The following RPS6KA3 variants were observed in gnomAD, a reference collection of about 807,000 sequenced individuals.
RPS6KA3 encodes ribosomal protein S6 kinase alpha-3.
RPS6KA3 carries 4 observed loss-of-function variants against 67.2 expected under a neutral mutation model. The ratio of observed to expected loss-of-function variants is 0.06; its 90% confidence interval spans 0.03 to 0.14. The LOEUF is 0.14. RPS6KA3 is among the 10% of genes least tolerant of loss of function. RPS6KA3 has a pLI of 1.00. For missense variants in RPS6KA3, 204 were observed against 559.0 expected (o/e 0.36, Z 6.40); for synonymous variants, 182 against 183.7 (o/e 0.99, Z 0.07).
chrX:20,192,384 A>T (rs1431326001), intron 7 of RPS6KA3, among the ~76,000 whole-genome samples: 3 of 108,258 alleles, frequency 2.8e-5, no homozygotes. Flanking sequence ...CCTGCCAAAA[A>T]ATTTCTAAAC....
intron 15 of RPS6KA3, among the ~76,000 whole-genome samples, chrX:20,171,108 T>C (rs1287578156): frequency 1.8e-5 from 2 of 112,212 alleles, no homozygotes; most frequent in African/African-American, 6.5e-5. Context: ...TTCTTTTCTC[T>C]AGCTTACTTT....
chrX:20,218,533 A>T (rs1393948190), intron 2 of RPS6KA3, among the ~76,000 whole-genome samples: 1 of 111,768 alleles, frequency 8.9e-6, no homozygotes, highest in Non-Finnish European at 1.9e-5. Context: ...CACTAGCAAG[A>T]TAAAAATTAC....
intron 2 of RPS6KA3, among the ~76,000 whole-genome samples, chrX:20,223,414 T>C (rs1428339447): frequency 3.6e-5 from 4 of 110,610 alleles, no homozygotes; most frequent in African/African-American, 1.3e-4. Flanking sequence ...GGACGGAAAG[T>C]GTGGTAGTGC....
chrX:20,174,156 T>C (rs1463026116), intron 14 of RPS6KA3, among the ~76,000 whole-genome samples: 1 of 110,967 alleles, frequency 9.0e-6, no homozygotes, highest in African/African-American at 3.3e-5. Context: ...AAGTATTATC[T>C]GACCCTTCAC....
At chrX:20,189,224 G>T (rs1206755040) in intron 7 of RPS6KA3, among the ~76,000 whole-genome samples, 1 of 110,983 alleles carries the variant, frequency 9.0e-6, no homozygotes, top group African/African-American at 3.3e-5. Flanking sequence ...ATTCTCCAGG[G>T]TTTTCTCTCT....
intron 1 of RPS6KA3, among the ~76,000 whole-genome samples, chrX:20,244,720 G>C (rs1360088633): frequency 8.9e-6 from 1 of 112,349 alleles, no homozygotes; most frequent in Non-Finnish European, 1.9e-5. Context: ...TCACGTACAA[G>C]CATCTAGCTA....
At chrX:20,221,316 T>C (rs1226871959) in intron 2 of RPS6KA3, among the ~76,000 whole-genome samples, 1 of 112,195 alleles carries the variant, frequency 8.9e-6, no homozygotes, top group East Asian at 2.8e-4. Context: ...TTAAACTTTA[T>C]CTCACTAAAG....
chrX:20,195,075 C>T lies in RPS6KA3; in HGVS notation c.396G>A (p.Lys132=). The part of the protein sequence containing the change: ...LVEVNHPFIV[K]LHYAFQTEGK... ...ACGGCTCATACTTACCATAATGCAA[C>T]TTGACAATAAAAGGATGATTAACCT... Residue 132 remains lysine, a synonymous_variant, in exon 5 of 22, where the codon AAG becomes AAA. Coordinates refer to ENST00000379565, the MANE Select transcript of RPS6KA3 (RefSeq NM_004586.3). The T allele has an allele frequency of 3.4e-6, 4 of 1,191,644 alleles. No individual in the cohort carries two copies. Among genetic ancestry groups the T allele is most frequent in the South Asian group, 1.8e-5 (1 of 56,508 alleles).
At chrX:20,191,771 C>CT (rs1181529272) in intron 7 of RPS6KA3, among the ~76,000 whole-genome samples, 10 of 111,000 alleles carry the variant, frequency 9.0e-5, no homozygotes, top group African/African-American at 3.3e-4. Flanking sequence ...GAATTATACA[C>CT]TTCTTTTTTT....
intron 6 of RPS6KA3, 66 bp from the exon 7 acceptor site, chrX:20,193,659 C>T: frequency 1.5e-6 from 1 of 660,235 alleles, no homozygotes; most frequent in Non-Finnish European, 2.3e-6. Flanking sequence ...TAAAGTTCCA[C>T]TCTAGAGTTT....
intron 9 of RPS6KA3, 81 bp from the exon 10 acceptor site, chrX:20,186,447 A>C: frequency 3.4e-6 from 2 of 595,904 alleles, no homozygotes; most frequent in Non-Finnish European, 5.6e-6. Flanking sequence ...AAAAAAAAGC[A>C]TCATTTTAAT....
In RPS6KA3 at chrX:20,266,756, AGCGGC is replaced by A; in HGVS notation, c.-129_-125del. On this transcript the variant is annotated 5_prime_UTR_variant, in exon 1 of 22. Transcript: ENST00000379565. ...CGGCGGCGGCGGCGGCGGCAGCGGC[AGCGGC>A]AGCGGCAGCAGCAGCAGCAGCGGCG... is the stretch of plus-strand genomic sequence containing the variant. The A allele has an allele frequency of 3.1e-6, 1 of 323,046 alleles. No individual in the cohort carries two copies. The highest frequency in any genetic ancestry group is 1.5e-4 in the South Asian group (1 of 6,454). 26.6% of individuals were successfully genotyped at this position (323,046 alleles called of 1,213,427 possible).
chrX:20,188,267 G>C (rs1457713763), intron 8 of RPS6KA3, among the ~76,000 whole-genome samples: 3 of 110,565 alleles, frequency 2.7e-5, no homozygotes, highest in South Asian at 7.7e-4. Flanking sequence ...GTAGAAACAG[G>C]GTTTCACCAT....
At chrX:20,223,447 C>CTCCCA (rs1184177274) in intron 2 of RPS6KA3, among the ~76,000 whole-genome samples, 2 of 111,491 alleles carry the variant, frequency 1.8e-5, no homozygotes, top group African/African-American at 6.5e-5. Flanking sequence ...ATTTCAACTT[C>CTCCCA]TCCCAAGGCT....
intron 1 of RPS6KA3, among the ~76,000 whole-genome samples, chrX:20,264,795 A>G (rs1279186108): frequency 5.3e-5 from 6 of 112,303 alleles, no homozygotes; most frequent in Admixed American, 9.4e-5. Flanking sequence ...TAATGTTTGT[A>G]TGTAAAAGTC....
Position 20,164,915 on chromosome X carries a change from T to C in RPS6KA3, c.1748A>G (p.Asn583Ser). The stretch of plus-strand genomic sequence containing the variant: ...CACAATTACCTCTGGTGCAACAAAA[T>C]TTGCAGTGTAACAAGGAGTCATGAG... ...GLLMTPCYTA[N>S]FVAPEVLKRQ... Residue 583 changes from asparagine (N) to serine (S), a missense_variant, in exon 18 of 22, where the codon AAT (asparagine) becomes AGT (serine). By Grantham distance (46) the Asn-to-Ser change is conservative (BLOSUM62 1). Around this residue, in one of 4 missense-constraint regions of RPS6KA3, gnomAD observed 73 missense variants for 241.1 expected, o/e 0.30. Coordinates refer to ENST00000379565, the MANE Select transcript of RPS6KA3 (RefSeq NM_004586.3). 1 of 1,209,401 alleles carries C rather than the reference T, an allele frequency of 8.3e-7. No homozygotes were observed. The highest frequency in any genetic ancestry group is 1.1e-6 in the Non-Finnish European group (1 of 893,463).
chrX:20,171,060 T>C (rs1456907177), intron 15 of RPS6KA3, among the ~76,000 whole-genome samples: 2 of 112,254 alleles, frequency 1.8e-5, no homozygotes, highest in Admixed American at 1.9e-4. Flanking sequence ...ATTACAAACG[T>C]GAGACACTAT....
chrX:20,263,983 C>T (rs868284509), intron 1 of RPS6KA3, among the ~76,000 whole-genome samples: 25 of 111,793 alleles, frequency 2.2e-4, no homozygotes, highest in African/African-American at 6.2e-4. Flanking sequence ...CTATGTTACT[C>T]TGGTAAAATA....
chrX:20,182,703 G>A (rs2067874950), intron 10 of RPS6KA3, among the ~76,000 whole-genome samples: 1 of 111,509 alleles, frequency 9.0e-6, no homozygotes, highest in Non-Finnish European at 1.9e-5. Context: ...CTTTTAACAT[G>A]GGTGCATGTC....
Sources: allele counts gnomAD v4.1 joint callset (sites outside exome capture counted in the v4.1 genomes callset), GRCh38; gene constraint gnomAD v4.1.1; regional missense constraint gnomAD v4.1.1; transcripts MANE v1.5; gene names NCBI Gene and HGNC (gene_info 2026-07-23, HGNC 2026-07-21).